The following ARMC7 variants were observed in gnomAD, a reference collection of about 807,000 sequenced individuals.
ARMC7 encodes the protein armadillo repeat-containing protein 7.
Under a neutral mutation model 14.8 loss-of-function variants are expected in ARMC7, and 9 were observed. The observed-to-expected ratio is 0.61, with a 90% CI of 0.37 to 1.06. The LOEUF (loss-of-function observed/expected upper bound fraction) is 1.06, where lower values mean the gene tolerates loss of function less well. Among genes scored for constraint, ARMC7 ranks in the 50% least tolerant of loss-of-function variants. The pLI is 0.01. For missense variants in ARMC7, 262 were observed against 267.1 expected (o/e 0.98, Z 0.13); for synonymous variants, 125 against 123.4 (o/e 1.01, Z -0.09).
chr17:75,113,266 C>G (rs993861399), intron 2 of ARMC7, among the ~76,000 whole-genome samples: 1 of 150,798 alleles, frequency 6.6e-6, no homozygotes, highest in Non-Finnish European at 1.5e-5. Context: ...TCAGGTGATC[C>G]GCCCGCCTCA....
chr17:75,112,931 T>C (rs1192691618), intron 2 of ARMC7, among the ~76,000 whole-genome samples: 4 of 152,152 alleles, frequency 2.6e-5, no homozygotes, highest in Admixed American at 2.6e-4. Flanking sequence ...ATTGCCTCTT[T>C]GTGGTTTCTT....
Position 75,129,281 on chromosome 17 carries a change from A to C in ARMC7, c.*243A>C. On this transcript the variant is annotated 3_prime_UTR_variant, in exon 3 of 3. Coordinates refer to ENST00000245543, the MANE Select transcript of ARMC7 (RefSeq NM_024585.4). ...TTCATAGGCTGGCACTCTCAATCCT[A>C]CATCAGGTGCCACCACCACCAGACT... The C allele has an allele frequency of 1.7e-6, 1 of 579,908 alleles. No homozygotes were observed. Among genetic ancestry groups the C allele is most frequent in the Non-Finnish European group, 2.9e-6 (1 of 339,350 alleles). The allele number at this position is 579,908 out of a possible 1,614,324, so 35.9% of individuals were successfully genotyped here.
intron 2 of ARMC7, among the ~76,000 whole-genome samples, chr17:75,120,030 A>G (rs985014809): frequency 6.6e-6 from 1 of 151,786 alleles, no homozygotes; most frequent in Non-Finnish European, 1.5e-5. Context: ...TCAGCCTCCC[A>G]AGTAGCTGGG....
At chr17:75,121,638 T>A (rs1165282082) in intron 2 of ARMC7, among the ~76,000 whole-genome samples, 1 of 152,204 alleles carries the variant, frequency 6.6e-6, no homozygotes, top group Non-Finnish European at 1.5e-5. Flanking sequence ...GGTCTGGAAC[T>A]CCTGACCTCA....
intron 2 of ARMC7, among the ~76,000 whole-genome samples, chr17:75,127,902 G>A (rs1436276382): frequency 1.3e-5 from 2 of 152,072 alleles, no homozygotes. Context: ...GCCCATTCTA[G>A]TATTTTAACA....
At chr17:75,125,339 G>A (rs1054933088) in intron 2 of ARMC7, among the ~76,000 whole-genome samples, 2 of 152,182 alleles carry the variant, frequency 1.3e-5, no homozygotes, top group South Asian at 2.1e-4. Flanking sequence ...CCAGGAAGAC[G>A]CCACTTGCAA....
chr17:75,114,018 C>T (rs913779909), intron 2 of ARMC7, among the ~76,000 whole-genome samples: 6 of 152,234 alleles, frequency 3.9e-5, no homozygotes, highest in Non-Finnish European at 8.8e-5. Flanking sequence ...GTGGGGCCTG[C>T]TAAAGCCAAG....
At chr17:75,127,934 C>A (rs1233822766) in intron 2 of ARMC7, among the ~76,000 whole-genome samples, 1 of 152,076 alleles carries the variant, frequency 6.6e-6, no homozygotes, top group Non-Finnish European at 1.5e-5. Flanking sequence ...ATATGATGGA[C>A]ATAATAAACT....
intron 2 of ARMC7, among the ~76,000 whole-genome samples, chr17:75,117,292 A>G (rs1038590654): frequency 1.3e-5 from 2 of 152,054 alleles, no homozygotes; most frequent in Admixed American, 6.6e-5. Context: ...GGCCAGGCTG[A>G]TCTCGAACTC....
intron 2 of ARMC7, among the ~76,000 whole-genome samples, chr17:75,125,632 G>A (rs2074046220): frequency 6.6e-6 from 1 of 152,068 alleles, no homozygotes; most frequent in Non-Finnish European, 1.5e-5. Context: ...GAGGTCAAGA[G>A]TTTAAGACCA....
rs78269059 is a variant in ARMC7, at chr17:75,126,789, A to G, written c.236-1888A>G. 6.6e-3 allele frequency among the ~76,000 whole-genome samples: 1,008 copies of G among 152,176 alleles called. 12 individuals are homozygous for G. The highest frequency in any genetic ancestry group is 0.023 in the African/African-American group (941 of 41,532). ...AAATGAAAAAAGCTGGGCGGGGCACAGTGGCTCATGCCTGTAATCCCAGCA... is the reference window on the plus strand; with the variant it reads ...AAATGAAAAAAGCTGGGCGGGGCACGGTGGCTCATGCCTGTAATCCCAGCA... On this transcript the variant is annotated intron_variant, in intron 2 of 2. Coordinates refer to ENST00000245543, the MANE Select transcript of ARMC7 (RefSeq NM_024585.4).
chr17:75,119,141 TGTACACTGGTACACTGGTACACTGGACTG>T (rs1244967227), intron 2 of ARMC7, among the ~76,000 whole-genome samples: 1 of 151,396 alleles, frequency 6.6e-6, no homozygotes, highest in Non-Finnish European at 1.5e-5. Flanking sequence ...TACACTGGAC[TGTACACTGGTACACTGGTACACTGGACTG>T]GTACACTGGA....
At position 75,125,353 on chromosome 17, in the gene ARMC7, G is replaced by A. The variant is rs561267497; in HGVS notation, c.236-3324G>A. On this transcript the variant is annotated intron_variant, in intron 2 of 2. Transcript: ENST00000245543. ...CCCAGGAAGACGCCACTTGCAAGGA[G>A]AGCAGTGGAGGGCTTGTTACCAGCA... 5.3e-5 allele frequency among the ~76,000 whole-genome samples: 8 copies of A among 152,322 alleles called. No homozygotes were observed. In the South Asian group the frequency reaches 1.4e-3, roughly 28 times the overall value.
At chr17:75,123,788 G>A (rs554960668) in intron 2 of ARMC7, among the ~76,000 whole-genome samples, 33 of 152,068 alleles carry the variant, frequency 2.2e-4, no homozygotes, top group African/African-American at 7.7e-4. Context: ...GTGCATGCCT[G>A]TAATCCCAGC....
intron 2 of ARMC7, among the ~76,000 whole-genome samples, chr17:75,116,398 T>G (rs1392539764): frequency 6.6e-6 from 1 of 152,084 alleles, no homozygotes; most frequent in Non-Finnish European, 1.5e-5. Flanking sequence ...GAGGCCGAAG[T>G]GGGCAGATCA....
intron 2 of ARMC7, chr17:75,114,318 C>T (rs1406928796): frequency 2.5e-6 from 1 of 399,976 alleles, no homozygotes. Flanking sequence ...AAGTGTTTAC[C>T]AAGTGGAGTC....
Position 75,116,576 on chromosome 17 carries a change from G to C in ARMC7, c.235+5970G>C, listed in dbSNP as rs142365317. 2.0e-3 allele frequency among the ~76,000 whole-genome samples: 303 copies of C among 152,312 alleles called. 3 individuals are homozygous for C. The highest frequency in any genetic ancestry group is 7.2e-3 in the African/African-American group (299 of 41,564). On this transcript the variant is annotated intron_variant, in intron 2 of 2. Transcript: ENST00000245543. ...GGAGGTGGAGGTTGAGGTGAGCCAA[G>C]ATCACGCCATTGCACTCCAGCCTGG...
Position 75,124,662 on chromosome 17 carries a change from C to T in ARMC7, c.236-4015C>T, listed in dbSNP as rs148181309. ...CCTGGCATCTGCCCAAGGCTGGATT[C>T]GTTGTCCTTACTGCTTCCAGAGGGC... On this transcript the variant is annotated intron_variant, in intron 2 of 2. Transcript: ENST00000245543. Among the ~76,000 whole-genome samples the T allele has an allele frequency of 2.8e-3, 427 of 151,794 alleles. 2 individuals are homozygous for T. The highest frequency in any genetic ancestry group is 0.01 in the Middle Eastern group (3 of 294).
rs184047070 is a variant in ARMC7 at position 75,128,979 on chromosome 17, C to T, written c.538C>T (p.Gln180Ter). Residue 180 changes from glutamine to a stop codon, truncating the protein, a stop_gained, in exon 3 of 3, where the codon CAG (glutamine) becomes TAG (stop). Transcript: ENST00000245543. LOFTEE classifies it high-confidence loss of function. ...CCAGGTGGCCGAGGCCCGCAGCCGG[C>T]AGGCGCACTCTGCCCTGGGTATCCC... ...PRQVAEARSR[Q>*]AHSALGIPLP... 10 of 1,601,918 alleles carry T rather than the reference C, an allele frequency of 6.2e-6. No homozygotes were observed. Among genetic ancestry groups the T allele is most frequent in the Non-Finnish European group, 7.6e-6 (9 of 1,179,582 alleles).
Sources: allele counts gnomAD v4.1 joint callset (sites outside exome capture counted in the v4.1 genomes callset), GRCh38; gene constraint gnomAD v4.1.1; transcripts MANE v1.5; gene names NCBI Gene and HGNC (gene_info 2026-07-23, HGNC 2026-07-21).